The following ALK variants were observed in gnomAD, a reference collection of about 807,000 sequenced individuals.
ALK encodes ALK receptor tyrosine kinase.
ALK carries 74 observed loss-of-function variants against 163.1 expected under a neutral mutation model. The observed-to-expected ratio is 0.45, with a 90% CI of 0.38 to 0.55. The LOEUF (loss-of-function observed/expected upper bound fraction) is 0.55, where lower values mean the gene tolerates loss of function less well. ALK is among the 20% of genes least tolerant of loss of function. The probability of loss-of-function intolerance (pLI) is 0.00; values close to 1 mark genes in which losing one functional copy is unlikely to be tolerated. For missense variants in ALK, 2,063 were observed against 2,105.3 expected (o/e 0.98, Z 0.39); for synonymous variants, 960 against 843.2 (o/e 1.14, Z -2.40).
chr2:29,356,757 C>T (rs1113627), intron 5 of ALK, among the ~76,000 whole-genome samples: 102,709 of 152,024 alleles, frequency 0.68, 35,006 homozygotes, highest in East Asian at 0.98. Flanking sequence ...GAAAATCAAG[C>T]GTGCCATCTG....
chr2:29,427,033 G>A (rs1201086845), intron 4 of ALK, among the ~76,000 whole-genome samples: 12 of 35,080 alleles, frequency 3.4e-4, no homozygotes, highest in Admixed American at 1.2e-3. Context: ...GCAAGACTCC[G>A]TCTCAAAAAA....
intron 3 of ALK, among the ~76,000 whole-genome samples, chr2:29,679,733 A>C (rs1022759468): frequency 6.4e-4 from 13 of 20,406 alleles, no homozygotes; most frequent in African/African-American, 8.7e-4. Flanking sequence ...GAAGAATAAG[A>C]AAAAGGTTGT....
chr2:29,201,855 T>C (rs933173961), intron 26 of ALK, among the ~76,000 whole-genome samples: 5 of 151,972 alleles, frequency 3.3e-5, no homozygotes, highest in African/African-American at 1.2e-4. Context: ...CACATCGCTC[T>C]CCTGTTTCTC....
intron 4 of ALK, among the ~76,000 whole-genome samples, chr2:29,441,226 G>A (rs1558325192): frequency 6.6e-6 from 1 of 152,270 alleles, no homozygotes; most frequent in Non-Finnish European, 1.5e-5. Context: ...AGAGCATAGA[G>A]CAGGGGTCTC....
intron 3 of ALK, among the ~76,000 whole-genome samples, chr2:29,578,353 C>G (rs1397567037): frequency 6.6e-6 from 1 of 152,192 alleles, no homozygotes. Flanking sequence ...ATGTCTTTAT[C>G]AGCAGCATGA....
intron 3 of ALK, among the ~76,000 whole-genome samples, chr2:29,589,128 G>T (rs1204904104): frequency 6.6e-6 from 1 of 152,160 alleles, no homozygotes; most frequent in East Asian, 1.9e-4. Context: ...TGATAGGTGA[G>T]ATGTATCATA....
chr2:29,815,517 C>T (rs995272772), intron 1 of ALK, among the ~76,000 whole-genome samples: 8 of 152,152 alleles, frequency 5.3e-5, no homozygotes, highest in African/African-American at 9.7e-5. Flanking sequence ...ACCAGTCCCT[C>T]TCTGAGGAAG....
At chr2:29,566,305 C>A (rs1674188498) in intron 3 of ALK, among the ~76,000 whole-genome samples, 1 of 152,144 alleles carries the variant, frequency 6.6e-6, no homozygotes, top group East Asian at 1.9e-4. Context: ...GCCAGAACTT[C>A]CAGGAGGGGC....
At chr2:29,322,512 T>C (rs4666204) in intron 6 of ALK, among the ~76,000 whole-genome samples, 118,678 of 152,242 alleles carry the variant, frequency 0.78, 50,039 homozygotes, top group South Asian at 0.97. Flanking sequence ...GACCTTCTCA[T>C]GGAGTGTCCT....
At chr2:29,363,687 C>T (rs549961727) in intron 5 of ALK, among the ~76,000 whole-genome samples, 1 of 152,332 alleles carries the variant, frequency 6.6e-6, no homozygotes, top group African/African-American at 2.4e-5. Flanking sequence ...CAGTGATGGA[C>T]ACATTTTAAA....
At chr2:29,613,095 CT>C (rs1332400349) in intron 3 of ALK, among the ~76,000 whole-genome samples, 4 of 152,168 alleles carry the variant, frequency 2.6e-5, no homozygotes, top group African/African-American at 9.7e-5. Context: ...AATTCTAGTC[CT>C]ATTTACATTT....
At chr2:29,367,974 G>A (rs148852217) in intron 5 of ALK, among the ~76,000 whole-genome samples, 112 of 152,184 alleles carry the variant, frequency 7.4e-4, no homozygotes, top group African/African-American at 2.5e-3. Flanking sequence ...TTCCCGTGCC[G>A]CACCATTTTG....
chr2:29,223,514 G>A lies in ALK; in HGVS notation c.3187C>T (p.His1063Tyr), dbSNP rs1669867065. The A allele has an allele frequency of 1.2e-6, 2 of 1,613,814 alleles. No homozygotes were observed. The highest frequency in any genetic ancestry group is 1.7e-6 in the Non-Finnish European group (2 of 1,180,024). ...ATCTGCATGGCTTGCAGCTCCTGGT[G>A]CTTCCGGCGGTACACTGCAGGTGGG... The part of the protein sequence containing the change: ...SGIMIVYRRK[H>Y]QELQAMQMEL... Residue 1063 changes from histidine (H) to tyrosine (Y), a missense_variant, in exon 20 of 29, where the codon CAC becomes TAC. Physicochemically the swap from His to Tyr is moderately conservative, Grantham distance 83. Coordinates refer to ENST00000389048, the MANE Select transcript of ALK (RefSeq NM_004304.5).
chr2:29,295,551 G>A (rs929751539), intron 9 of ALK, among the ~76,000 whole-genome samples: 7 of 152,288 alleles, frequency 4.6e-5, no homozygotes, highest in Middle Eastern at 3.4e-3. Flanking sequence ...GGCTTTGATC[G>A]TTAACCCACA....
chr2:29,731,280 G>A (rs959183514), intron 1 of ALK, among the ~76,000 whole-genome samples: 5 of 152,180 alleles, frequency 3.3e-5, no homozygotes, highest in East Asian at 1.9e-4. Context: ...TCATACAAGC[G>A]TCTTATCAGA....
intron 1 of ALK, among the ~76,000 whole-genome samples, chr2:29,831,174 AGGAAGG>A (rs375792668): frequency 0.012 from 352 of 29,248 alleles, 64 homozygotes; most frequent in African/African-American, 0.025. Context: ...GAAGAGGAAG[AGGAAGG>A]GGAAGGGGAA....
chr2:29,246,729 C>A lies in ALK; in HGVS notation c.2204+4376G>T, dbSNP rs1664683403. On this transcript the variant is annotated intron_variant, in intron 12 of 28. Transcript: ENST00000389048. The surrounding 1 kb of genome is among the most constrained non-coding windows in gnomAD (Gnocchi z 4.3). The stretch of plus-strand genomic sequence containing the variant: ...ACCTCCTGAGCACCTCTGGGCCTGT[C>A]CCCTGCACCTGACCCTCCCCTGCCA... Among the ~76,000 whole-genome samples, 1 of 152,222 alleles carries A rather than the reference C, an allele frequency of 6.6e-6. No individual in the cohort carries two copies. Among genetic ancestry groups the A allele is most frequent in the Admixed American group, 6.5e-5 (1 of 15,290 alleles).
Position 29,626,000 on chromosome 2 carries a change from G to A in ALK, c.952+68850C>T, listed in dbSNP as rs115737234. On this transcript the variant is annotated intron_variant, in intron 3 of 28. Transcript: ENST00000389048. ...ATAGGTTTACCAAGAGAGCAAGATA[G>A]ATGATGGTATTTTCAGCTCAGGAAA... Among the ~76,000 whole-genome samples, 777 of 152,364 alleles carry A rather than the reference G, an allele frequency of 5.1e-3. 4 individuals carry two copies. The highest frequency in any genetic ancestry group is 7.6e-3 in the Non-Finnish European group (520 of 68,040).
intron 1 of ALK, among the ~76,000 whole-genome samples, chr2:29,758,371 T>A (rs1329206657): frequency 2.0e-5 from 3 of 152,114 alleles, no homozygotes; most frequent in South Asian, 2.1e-4. Flanking sequence ...GGCCTTGGTG[T>A]TAGGACTCAC....
Sources: gnomAD v4.1 joint callset for allele counts (sites outside exome capture counted in the v4.1 genomes callset) on GRCh38, gnomAD v4.1.1 for gene constraint, Gnocchi (gnomAD v3.1) non-coding constraint, MANE v1.5 for transcripts, NCBI Gene and HGNC (gene_info 2026-07-23, HGNC 2026-07-21) for gene names.